OPCML: variants seen among roughly 807,000 people sequenced by gnomAD.
OPCML encodes the protein opioid binding protein/cell adhesion molecule like, also known as opioid-binding protein/cell adhesion molecule.
In OPCML, 13 loss-of-function variants were observed where a neutral mutation model predicts 37.8. The ratio of observed to expected loss-of-function variants is 0.34; its 90% CI spans 0.22 to 0.55. OPCML has a LOEUF of 0.55. OPCML is among the 20% of genes least tolerant of loss of function. The pLI is 0.91. For missense variants in OPCML, 341 were observed against 435.6 expected (o/e 0.78, Z 1.93); for synonymous variants, 176 against 168.8 (o/e 1.04, Z -0.33).
chr11:132,800,853 T>C (rs1938606563), intron 2 of OPCML, among the ~76,000 whole-genome samples: 1 of 152,154 alleles, frequency 6.6e-6, no homozygotes, highest in African/African-American at 2.4e-5. Context: ...TATTTTCCTG[T>C]AGTTTTTTAC....
intron 3 of OPCML, among the ~76,000 whole-genome samples, chr11:132,618,460 A>C (rs1215022434): frequency 1.3e-5 from 2 of 152,062 alleles, no homozygotes; most frequent in Admixed American, 6.6e-5. Flanking sequence ...CCGAGATGGC[A>C]CCATTGCACT....
chr11:132,457,576 A>G (rs1298595941), intron 4 of OPCML, among the ~76,000 whole-genome samples: 1 of 152,194 alleles, frequency 6.6e-6, no homozygotes, highest in African/African-American at 2.4e-5. Context: ...ATATAACAGC[A>G]AACCTTAATA....
At chr11:133,149,845 G>A (rs1454699238) in intron 1 of OPCML, among the ~76,000 whole-genome samples, 4 of 152,224 alleles carry the variant, frequency 2.6e-5, no homozygotes, top group East Asian at 1.9e-4. Flanking sequence ...CAGGAGGATC[G>A]TCTGGGGAGA....
chr11:132,575,580 C>T (rs1457377158), intron 3 of OPCML, among the ~76,000 whole-genome samples: 2 of 151,808 alleles, frequency 1.3e-5, no homozygotes, highest in Non-Finnish European at 2.9e-5. Context: ...TGTTTTTACT[C>T]TGTATTTTTA....
At chr11:132,752,833 C>A (rs1410574295) in intron 2 of OPCML, among the ~76,000 whole-genome samples, 1 of 152,070 alleles carries the variant, frequency 6.6e-6, no homozygotes. Flanking sequence ...TCCTGATAAG[C>A]GCCTGAGGAA....
At position 132,712,677 on chromosome 11, in the gene OPCML, A is replaced by T. The variant is rs550584581; in HGVS notation, c.147-55358T>A. On this transcript the variant is annotated intron_variant, in intron 2 of 7. Transcript: ENST00000524381. ...ATTCGCTGACAAGCGTGGCCTTCCA[A>T]TTCATCTCTGAGCTGCCGCTTCCCA... is the stretch of plus-strand genomic sequence containing the variant. 2.7e-4 allele frequency among the ~76,000 whole-genome samples: 41 copies of T among 152,252 alleles called. No homozygotes were observed. The South Asian group carries it at 8.3e-3, about 31-fold the overall frequency.
At chr11:133,027,936 A>T (rs1947595042) in intron 1 of OPCML, among the ~76,000 whole-genome samples, 1 of 150,806 alleles carries the variant, frequency 6.6e-6, no homozygotes, top group South Asian at 2.1e-4. Context: ...CCTGAGTCAG[A>T]CCTCAGCAAA....
intron 2 of OPCML, among the ~76,000 whole-genome samples, chr11:132,690,262 G>A (rs189977246): frequency 1.1e-4 from 17 of 152,214 alleles, no homozygotes; most frequent in African/African-American, 2.2e-4. Flanking sequence ...TAAACTTAAC[G>A]TGCATCCGAG....
At chr11:133,196,227 T>C (rs926265147) in intron 1 of OPCML, among the ~76,000 whole-genome samples, 7 of 152,238 alleles carry the variant, frequency 4.6e-5, no homozygotes, top group African/African-American at 1.7e-4. Context: ...CTGGACTCCC[T>C]AAATCGATTC....
chr11:132,484,082 T>G (rs1592245898), intron 4 of OPCML, among the ~76,000 whole-genome samples: 1 of 152,242 alleles, frequency 6.6e-6, no homozygotes, highest in Non-Finnish European at 1.5e-5. Flanking sequence ...CTAATTAAAC[T>G]AAAGAGCTTC....
intron 1 of OPCML, among the ~76,000 whole-genome samples, chr11:133,119,478 A>T (rs1289132439): frequency 6.6e-6 from 1 of 152,036 alleles, no homozygotes; most frequent in East Asian, 1.9e-4. Flanking sequence ...GGGTCCCTTC[A>T]TCCAAAGGTT....
At chr11:133,160,699 T>G (rs513650) in intron 1 of OPCML, among the ~76,000 whole-genome samples, 1 of 152,314 alleles carries the variant, frequency 6.6e-6, no homozygotes, top group Admixed American at 6.5e-5. Context: ...CTCTGTGGAC[T>G]GAGAGCCTGG....
At chr11:132,569,883 T>C (rs2096433204) in intron 3 of OPCML, among the ~76,000 whole-genome samples, 1 of 151,196 alleles carries the variant, frequency 6.6e-6, no homozygotes. Context: ...AATACAAACA[T>C]CTTAAATCAT....
At chr11:132,666,360 T>G (rs1591697506) in intron 2 of OPCML, among the ~76,000 whole-genome samples, 1 of 152,238 alleles carries the variant, frequency 6.6e-6, no homozygotes, top group African/African-American at 2.4e-5. Flanking sequence ...ACCAGCTCTC[T>G]TGTGAACTAA....
intron 2 of OPCML, among the ~76,000 whole-genome samples, chr11:132,669,176 T>C (rs1021969914): frequency 6.6e-6 from 1 of 152,078 alleles, no homozygotes; most frequent in Admixed American, 6.6e-5. Flanking sequence ...TGTCCTTTTC[T>C]TGGACAGCGT....
At chr11:132,868,064 T>G (rs1276994700) in intron 2 of OPCML, among the ~76,000 whole-genome samples, 1 of 152,180 alleles carries the variant, frequency 6.6e-6, no homozygotes, top group Non-Finnish European at 1.5e-5. Flanking sequence ...TCTGAGAGCG[T>G]AAAGTGCTTT....
In OPCML at chr11:132,566,911, C is replaced by T. The variant is rs370943347; in HGVS notation, c.380-37725G>A. The stretch of plus-strand genomic sequence containing the variant: ...AATCCCAGGCACAGAGACCAGCATG[C>T]ACAGAACCCAAGGAGAAAGAGAACA... On this transcript the variant is annotated intron_variant, in intron 3 of 7. Transcript: ENST00000524381. Among the ~76,000 whole-genome samples the T allele has an allele frequency of 2.0e-5, 3 of 150,006 alleles. No individual in the cohort carries two copies. The East Asian group carries it at 5.9e-4, about 30-fold the overall frequency.
chr11:132,420,029 T>A lies in OPCML; in HGVS notation c.*164A>T. On this transcript the variant is annotated 3_prime_UTR_variant, in exon 8 of 8. Transcript: ENST00000524381. ...CGCCCCCAACCCCACTCATTCAAGC[T>A]GGAAATAAAAGCAAACAAACAAATA... The A allele has an allele frequency of 6.9e-6, 2 of 290,030 alleles. No homozygotes were observed. The highest frequency in any genetic ancestry group is 1.0e-4 in the East Asian group (1 of 9,992). 18.0% of individuals were successfully genotyped at this position (290,030 alleles called of 1,614,324 possible).
rs559872044 is a variant in OPCML, at chr11:133,145,771, G to A, written c.62-202761C>T. On this transcript the variant is annotated intron_variant, in intron 1 of 7. Coordinates refer to ENST00000524381, the MANE Select transcript of OPCML (RefSeq NM_001012393.5). ...GTGCCCTCAGCTGTGTGCCGGAGGG[G>A]TCAGCACTGGAAGGTATAACCAATG... Among the ~76,000 whole-genome samples, 20 of 152,318 alleles carry A rather than the reference G, an allele frequency of 1.3e-4. No homozygotes were observed. The East Asian group carries it at 3.5e-3, about 26-fold the overall frequency.
Sources: allele counts gnomAD v4.1 joint callset (sites outside exome capture counted in the v4.1 genomes callset), GRCh38; gene constraint gnomAD v4.1.1; transcripts MANE v1.5; gene names NCBI Gene and HGNC (gene_info 2026-07-23, HGNC 2026-07-21).